The following TPP2 variants were observed in gnomAD, a reference collection of about 807,000 sequenced individuals.
TPP2 encodes the protein tripeptidyl peptidase 2, also known as tripeptidyl-peptidase 2.
TPP2 carries 34 observed loss-of-function variants against 155.9 expected under a neutral mutation model. The ratio of observed to expected loss-of-function variants is 0.22; its 90% CI spans 0.17 to 0.29. The LOEUF (loss-of-function observed/expected upper bound fraction) is 0.29, where lower values mean the gene tolerates loss of function less well. TPP2 is among the 10% of genes least tolerant of loss of function. TPP2 has a pLI of 1.00. For missense variants in TPP2, 1,028 were observed against 1,522.3 expected (o/e 0.68, Z 5.40); for synonymous variants, 510 against 529.4 (o/e 0.96, Z 0.50).
intron 26 of TPP2, among the ~76,000 whole-genome samples, chr13:102,664,060 C>T (rs1057261550): frequency 1.1e-4 from 16 of 152,194 alleles, no homozygotes; most frequent in Admixed American, 2.6e-4. Context: ...GAAATCTGAA[C>T]GCCTTCACTG....
chr13:102,669,613 G>A (rs542608932), intron 27 of TPP2, among the ~76,000 whole-genome samples: 25 of 152,174 alleles, frequency 1.6e-4, no homozygotes, highest in Non-Finnish European at 2.9e-4. Context: ...GTTCTCTAGG[G>A]TTAACACCTG....
intron 2 of TPP2, among the ~76,000 whole-genome samples, chr13:102,611,589 A>T (rs1880324457): frequency 6.6e-6 from 1 of 152,110 alleles, no homozygotes; most frequent in Non-Finnish European, 1.5e-5. Context: ...ACAGGAGAAC[A>T]CAGAGGTTGC....
In TPP2 at chr13:102,616,477, G is replaced by A. The variant is rs961399503; in HGVS notation, c.472G>A (p.Val158Ile). Residue 158 changes from valine to isoleucine, a missense_variant, in exon 4 of 30, where the codon GTT (valine) becomes ATT (isoleucine). Val to Ile is a conservative substitution (Grantham distance 29, BLOSUM62 3). Around this residue, in one of 7 missense-constraint regions of TPP2, gnomAD observed 300 missense variants for 398.3 expected, o/e 0.75. Coordinates refer to ENST00000376052, the MANE Select transcript of TPP2 (RefSeq NM_001330588.2). ...EACRKQEEFD[V>I]ANNGSSQANK... is the part of the protein sequence containing the mutation. The stretch of plus-strand genomic sequence containing the variant: ...CTGTAGAAAACAGGAAGAATTTGAT[G>A]TTGCCAACAACGGCTCTTCTCAAGT... 3 of 1,611,768 alleles carry A rather than the reference G, an allele frequency of 1.9e-6. No homozygotes were observed. The highest frequency in any genetic ancestry group is 3.4e-5 in the Admixed American group (2 of 59,696).
intron 28 of TPP2, among the ~76,000 whole-genome samples, chr13:102,675,347 A>G (rs919987898): frequency 6.6e-6 from 1 of 152,212 alleles, no homozygotes; most frequent in African/African-American, 2.4e-5. Context: ...AGGAATTTGA[A>G]TCTGAAATTA....
At chr13:102,674,582 T>A (rs765911877) in intron 28 of TPP2, 92 bp downstream of exon 28, 6 of 1,287,540 alleles carry the variant, frequency 4.7e-6, no homozygotes, top group Middle Eastern at 2.2e-4. Flanking sequence ...AGGAAGAAGA[T>A]AAATGGAAAG....
intron 11 of TPP2, 89 bp from the exon 12 acceptor site, chr13:102,635,498 A>G: frequency 1.2e-6 from 1 of 817,276 alleles, no homozygotes; most frequent in South Asian, 1.6e-5. Flanking sequence ...TTAACACCAG[A>G]GGGTCTACAG....
intron 27 of TPP2, among the ~76,000 whole-genome samples, chr13:102,670,941 C>A (rs937537943): frequency 9.9e-5 from 15 of 152,192 alleles, no homozygotes; most frequent in African/African-American, 2.9e-4. Flanking sequence ...ACTTACAAGT[C>A]CTGGCTCCGT....
intron 27 of TPP2, 152 bp downstream of exon 27, chr13:102,665,077 G>A: frequency 9.8e-7 from 1 of 1,021,260 alleles, no homozygotes; most frequent in Non-Finnish European, 1.4e-6. Flanking sequence ...CCCCTCCTTA[G>A]AAATTTTAAA....
chr13:102,664,834 A>C lies in TPP2; in HGVS notation c.3280A>C (p.Asn1094His). Residue 1094 changes from asparagine (N) to histidine (H), a missense_variant, in exon 27 of 30, where the codon AAT becomes CAT. Transcript: ENST00000376052. ...ACTTAATGAAATTGTTGATGCGGCA[A>C]ATGCTGTTATTTCTCATATAGATCA... ...KRLNEIVDAANAVISHIDQTA... is the reference protein window; with the variant it reads ...KRLNEIVDAAHAVISHIDQTA... 1 of 1,613,646 alleles carries C rather than the reference A, an allele frequency of 6.2e-7. No homozygotes were observed. Among genetic ancestry groups the C allele is most frequent in the Non-Finnish European group, 8.5e-7 (1 of 1,179,784 alleles).
chr13:102,624,852 C>CT (rs1029486604), intron 6 of TPP2, among the ~76,000 whole-genome samples: 2,691 of 83,514 alleles, frequency 0.032, 7 homozygotes, highest in Non-Finnish European at 0.041. Context: ...TTTTTTTTTC[C>CT]TTTTTTTTTT....
chr13:102,641,525 CTT>C (rs1471325155), intron 16 of TPP2, among the ~76,000 whole-genome samples: 2 of 152,084 alleles, frequency 1.3e-5, no homozygotes, highest in Non-Finnish European at 2.9e-5. Flanking sequence ...ACATCTGAGA[CTT>C]TATTGAAAAT....
At chr13:102,651,308 T>C in intron 23 of TPP2, 51 bp from the exon 24 acceptor site, 1 of 1,550,972 alleles carries the variant, frequency 6.4e-7, no homozygotes, top group Non-Finnish European at 8.7e-7. Context: ...TCTGTCTCCA[T>C]CCTGTGTAGA....
At chr13:102,667,815 G>C in intron 27 of TPP2, 1 of 985,650 alleles carries the variant, frequency 1.0e-6, no homozygotes. Flanking sequence ...GGATCCATCA[G>C]GCAGCATTTG....
At chr13:102,618,194 A>T (rs572936845) in intron 4 of TPP2, among the ~76,000 whole-genome samples, 47 of 152,326 alleles carry the variant, frequency 3.1e-4, no homozygotes, top group African/African-American at 1.1e-3. Flanking sequence ...ACAGAGCTAA[A>T]ATAAGGCTTC....
intron 14 of TPP2, 28 bp from the exon 15 acceptor site, chr13:102,638,211 A>G (rs1317954847): frequency 1.3e-6 from 2 of 1,598,744 alleles, no homozygotes; most frequent in Non-Finnish European, 8.6e-7. Flanking sequence ...GTTTATGGAT[A>G]TTGACACTTA....
At chr13:102,616,177 G>A (rs990619744) in intron 3 of TPP2, among the ~76,000 whole-genome samples, 28 of 152,042 alleles carry the variant, frequency 1.8e-4, no homozygotes, top group Non-Finnish European at 3.5e-4. Context: ...GGCTGGTCTC[G>A]AACTCCTCAC....
chr13:102,657,267 C>G, intron 25 of TPP2, 60 bp downstream of exon 25: 1 of 1,428,940 alleles, frequency 7.0e-7, no homozygotes, highest in Non-Finnish European at 9.3e-7. Flanking sequence ...CCAACTATAA[C>G]AATATTGTGT....
chr13:102,602,814 G>A (rs1879528086), intron 1 of TPP2, among the ~76,000 whole-genome samples: 1 of 152,190 alleles, frequency 6.6e-6, no homozygotes. Flanking sequence ...AGGTGGAATT[G>A]GAGTCTGAAG....
intron 6 of TPP2, 116 bp downstream of exon 6, chr13:102,623,156 G>A: frequency 8.9e-7 from 1 of 1,123,988 alleles, no homozygotes; most frequent in East Asian, 2.4e-5. Context: ...GTAGCTAAAG[G>A]ACTAGGTCCA....
Sources: allele counts gnomAD v4.1 joint callset (sites outside exome capture counted in the v4.1 genomes callset), GRCh38; gene constraint gnomAD v4.1.1; regional missense constraint gnomAD v4.1.1; transcripts MANE v1.5; gene names NCBI Gene and HGNC (gene_info 2026-07-23, HGNC 2026-07-21).